The following EBF2 variants were observed in gnomAD, a reference collection of about 807,000 sequenced individuals.
EBF2 encodes transcription factor COE2.
EBF2 carries 21 observed loss-of-function variants against 72.8 expected under a neutral mutation model. The ratio of observed to expected loss-of-function variants is 0.29; its 90% CI spans 0.20 to 0.42. EBF2 has a LOEUF of 0.42. EBF2 is among the 10% of genes least tolerant of loss of function. The pLI is 1.00. For missense variants in EBF2, 637 were observed against 731.2 expected (o/e 0.87, Z 1.49); for synonymous variants, 299 against 274.2 (o/e 1.09, Z -0.89).
chr8:25,905,144 G>A (rs557702040), intron 7 of EBF2, among the ~76,000 whole-genome samples: 96 of 152,258 alleles, frequency 6.3e-4, no homozygotes, highest in African/African-American at 2.1e-3. Context: ...ACCACAATGA[G>A]ATACCTCTTC....
intron 6 of EBF2, among the ~76,000 whole-genome samples, chr8:25,989,183 A>G (rs1182903882): frequency 6.6e-6 from 1 of 152,224 alleles, no homozygotes; most frequent in African/African-American, 2.4e-5. Flanking sequence ...TGCATGTGAG[A>G]ATGCTTTAGA....
intron 6 of EBF2, among the ~76,000 whole-genome samples, chr8:25,951,428 A>G (rs763875971): frequency 6.6e-6 from 1 of 152,172 alleles, no homozygotes; most frequent in Non-Finnish European, 1.5e-5. Flanking sequence ...GGCCCACCCA[A>G]TTGAACATGA....
intron 6 of EBF2, among the ~76,000 whole-genome samples, chr8:25,949,839 C>G (rs1481244687): frequency 6.6e-6 from 1 of 152,166 alleles, no homozygotes; most frequent in Admixed American, 6.6e-5. Context: ...TGGCCTACTT[C>G]ACAGTTTTGC....
chr8:25,903,397 A>G (rs1174431371), intron 7 of EBF2, among the ~76,000 whole-genome samples: 1 of 152,084 alleles, frequency 6.6e-6, no homozygotes, highest in Non-Finnish European at 1.5e-5. Flanking sequence ...CAGGGGAGGA[A>G]TAAAGACAGG....
chr8:25,854,192 A>G (rs1247254421), intron 14 of EBF2, among the ~76,000 whole-genome samples: 1 of 151,062 alleles, frequency 6.6e-6, no homozygotes, highest in Non-Finnish European at 1.5e-5. Flanking sequence ...AGGCTGTACT[A>G]CTTATAAACA....
chr8:25,994,317 G>A (rs998224474), intron 6 of EBF2, among the ~76,000 whole-genome samples: 1 of 152,036 alleles, frequency 6.6e-6, no homozygotes, highest in Non-Finnish European at 1.5e-5. Context: ...GAAAAGAATA[G>A]GAATGATGTA....
intron 15 of EBF2, among the ~76,000 whole-genome samples, chr8:25,847,547 C>T (rs1194190282): frequency 1.3e-5 from 2 of 152,172 alleles, no homozygotes; most frequent in African/African-American, 4.8e-5. Context: ...TCCTCCCAGC[C>T]AGGCTGTAGG....
At chr8:25,865,267 T>C (rs1455718747) in intron 10 of EBF2, among the ~76,000 whole-genome samples, 1 of 152,232 alleles carries the variant, frequency 6.6e-6, no homozygotes, top group Non-Finnish European at 1.5e-5. Flanking sequence ...CTGCTCATCA[T>C]ATAGGTGCTA....
chr8:26,013,349 C>T (rs1177371816), intron 6 of EBF2, among the ~76,000 whole-genome samples: 3 of 152,174 alleles, frequency 2.0e-5, no homozygotes, highest in Admixed American at 6.5e-5. Context: ...ACTGACACTG[C>T]CCTCGTGAGT....
rs566641671 is a variant in EBF2, at chr8:25,889,224, C to T, written c.751+528G>A. ...ACTTAGATTTGTCAGTTATCTTCATCGATATACTTTAATTTTTTGGACAAC... is the reference window on the plus strand; with the variant it reads ...ACTTAGATTTGTCAGTTATCTTCATTGATATACTTTAATTTTTTGGACAAC... On this transcript the variant is annotated intron_variant, in intron 8 of 15. Transcript: ENST00000520164. 1.0e-3 allele frequency among the ~76,000 whole-genome samples: 155 copies of T among 152,184 alleles called. 1 individual carries two copies. The highest frequency in any genetic ancestry group is 1.9e-3 in the Non-Finnish European group (127 of 67,996).
intron 6 of EBF2, among the ~76,000 whole-genome samples, chr8:25,928,130 CT>C (rs1803415569): frequency 6.6e-6 from 1 of 152,234 alleles, no homozygotes; most frequent in African/African-American, 2.4e-5. Flanking sequence ...AAATTAGAAT[CT>C]GGTAAGAGTA....
chr8:26,041,471 A>T (rs1805599850), intron 2 of EBF2: 1 of 182,956 alleles, frequency 5.5e-6, no homozygotes, highest in African/African-American at 2.4e-5. Context: ...CAGGTTCAGG[A>T]GGGACTTTGG....
At chr8:25,959,908 C>G (rs1241830672) in intron 6 of EBF2, among the ~76,000 whole-genome samples, 1 of 152,114 alleles carries the variant, frequency 6.6e-6, no homozygotes, top group Non-Finnish European at 1.5e-5. Context: ...TAGTATGGTC[C>G]CATTCTATGG....
intron 6 of EBF2, among the ~76,000 whole-genome samples, chr8:25,992,901 C>CAAAA (rs34274233): frequency 1.0e-4 from 15 of 144,614 alleles, no homozygotes; most frequent in Non-Finnish European, 2.1e-4. Flanking sequence ...GGCCTTGTCT[C>CAAAA]AAAAAAAAAA....
chr8:25,846,777 C>A (rs1801846758), intron 15 of EBF2, among the ~76,000 whole-genome samples: 2 of 152,150 alleles, frequency 1.3e-5, no homozygotes, highest in Admixed American at 6.5e-5. Flanking sequence ...GCTCAAAGAT[C>A]AAGATCCCCT....
At chr8:25,992,118 C>A (rs1450094230) in intron 6 of EBF2, among the ~76,000 whole-genome samples, 2 of 151,742 alleles carry the variant, frequency 1.3e-5, no homozygotes, top group African/African-American at 4.8e-5. Context: ...GCAACCTCCA[C>A]CTCCCGAGTT....
chr8:26,004,504 G>T (rs554840461), intron 6 of EBF2, among the ~76,000 whole-genome samples: 1 of 151,690 alleles, frequency 6.6e-6, no homozygotes, highest in Admixed American at 6.6e-5. Context: ...GTGAAACCCC[G>T]TCTCTACTAA....
intron 6 of EBF2, among the ~76,000 whole-genome samples, chr8:26,002,487 G>T (rs1364628970): frequency 2.0e-5 from 3 of 152,164 alleles, no homozygotes; most frequent in South Asian, 2.1e-4. Context: ...TTATGACAGC[G>T]CCAGTTCTTC....
chr8:25,952,599 C>A (rs1172114548), intron 6 of EBF2, among the ~76,000 whole-genome samples: 2 of 152,064 alleles, frequency 1.3e-5, no homozygotes, highest in East Asian at 3.9e-4. Context: ...CATGCCCAAC[C>A]TGCCCTGCTC....
Sources: gnomAD v4.1 joint callset for allele counts (sites outside exome capture counted in the v4.1 genomes callset) on GRCh38, gnomAD v4.1.1 for gene constraint, MANE v1.5 for transcripts, NCBI Gene and HGNC (gene_info 2026-07-23, HGNC 2026-07-21) for gene names.